OR5B3: variants seen among roughly 807,000 people sequenced by gnomAD.
OR5B3 encodes the protein olfactory receptor 5B3.
For missense variants in OR5B3, 430 were observed against 375.4 expected (o/e 1.15, Z -1.20); for synonymous variants, 150 against 135.0 (o/e 1.11, Z -0.77).
chr11:58,402,569 G>A lies in OR5B3; in HGVS notation c.841C>T (p.Pro281Ser). 6.2e-7 allele frequency: 1 copy of A among 1,613,310 alleles called. No homozygotes were observed. Among genetic ancestry groups the A allele is most frequent in the Non-Finnish European group, 8.5e-7 (1 of 1,179,354 alleles). ...CTATAGACCAGAGGGTTCAGCATGG[G>A]GATGACCATTGTATAGAACACAGGT... ...MAPVFYTMVI[P>S]MLNPLVYSLR... The change falls in exon 2 of 2, where the codon CCC becomes TCC. Residue 281 changes from proline (P) to serine (S), a missense_variant. Transcript: ENST00000641865.
rs762993374 is a variant in OR5B3, at chr11:58,403,279, A to G, written c.131T>C (p.Ile44Thr). Residue 44 changes from isoleucine to threonine, a missense_variant, in exon 2 of 2, where the codon ATT (isoleucine) becomes ACT (threonine). Ile to Thr is a moderately conservative substitution (Grantham distance 89, BLOSUM62 -1). Coordinates refer to ENST00000641865, the MANE Select transcript of OR5B3 (RefSeq NM_001005469.2). ...IITLVGNLGI[I>T]VLIFWDSCLH... The stretch of plus-strand genomic sequence containing the variant: ...ACAGGAATCCCAGAATATCAATACA[A>G]TAATTCCCAGGTTTCCAACCAGAGT... The G allele has an allele frequency of 3.7e-6, 6 of 1,613,460 alleles. No homozygotes were observed. In the East Asian group the frequency reaches 6.7e-5, roughly 18 times the overall value.
intron 1 of OR5B3, among the ~76,000 whole-genome samples, chr11:58,405,766 T>G (rs1047283119): frequency 6.6e-6 from 1 of 152,056 alleles, no homozygotes; most frequent in East Asian, 1.9e-4. Flanking sequence ...AAGTTGGACT[T>G]TTTTTTTAAA....
rs1043916574 is a variant in OR5B3, at chr11:58,403,301, G to C, written c.109C>G (p.Leu37Val). The change falls in exon 2 of 2, where the codon CTG (leucine) becomes GTG (valine). Residue 37 changes from leucine to valine, a missense_variant. Coordinates refer to ENST00000641865, the MANE Select transcript of OR5B3 (RefSeq NM_001005469.2). ...ACAATAATTCCCAGGTTTCCAACCA[G>C]AGTGATAATATAGATGAAGGGGAAC... ...ITFPFIYIIT[L>V]VGNLGIIVLI... is the part of the protein sequence containing the mutation. 4.3e-6 allele frequency: 7 copies of C among 1,612,814 alleles called. No homozygotes were observed. Among genetic ancestry groups the C allele is most frequent in the Non-Finnish European group, 5.9e-6 (7 of 1,178,932 alleles).
Position 58,403,413 on chromosome 11 carries a change from T to A in OR5B3, c.-4A>T. On this transcript the variant is annotated 5_prime_UTR_variant, in exon 2 of 2. Coordinates refer to ENST00000641865, the MANE Select transcript of OR5B3 (RefSeq NM_001005469.2). The stretch of plus-strand genomic sequence containing the variant: ...TTACTTCTGTCTTATTTTCCATCAC[T>A]GCTCTGGGGGACTCACAGGATGCTT... The A allele has an allele frequency of 6.7e-7, 1 of 1,501,372 alleles. No homozygotes were observed. Among genetic ancestry groups the A allele is most frequent in the South Asian group, 1.3e-5 (1 of 78,874 alleles). 93.0% of individuals were successfully genotyped at this position (1,501,372 alleles called of 1,614,324 possible).
chr11:58,406,738 G>T (rs1314191174), intron 1 of OR5B3, 63 bp downstream of exon 1: 1 of 152,120 alleles, frequency 6.6e-6, no homozygotes, highest in Admixed American at 6.5e-5. Context: ...AGGTATAGCT[G>T]CCCCACTGCT....
rs781700351 is a variant in OR5B3 at position 58,403,425 on chromosome 11, C to T, written c.-16G>A. 16 of 1,381,078 alleles carry T rather than the reference C, an allele frequency of 1.2e-5. No individual in the cohort carries two copies. Among genetic ancestry groups the T allele is most frequent in the Non-Finnish European group, 1.6e-5 (16 of 1,007,962 alleles). 85.6% of individuals were successfully genotyped at this position (1,381,078 alleles called of 1,614,324 possible). ...TATTTTCCATCACTGCTCTGGGGGA[C>T]TCACAGGATGCTTGTAGCAATACAA... On this transcript the variant is annotated 5_prime_UTR_variant, in exon 2 of 2. Coordinates refer to ENST00000641865, the MANE Select transcript of OR5B3 (RefSeq NM_001005469.2).
Position 58,403,022 on chromosome 11 carries a change from A to C in OR5B3, c.388T>G (p.Tyr130Asp). ...RYAAVCKPLHYTTTMTTTVCA... is the reference protein window; with the variant it reads ...RYAAVCKPLHDTTTMTTTVCA... ...ACAGTTGTTGTCATGGTTGTGGTGT[A>C]ATGTAGGGGTTTGCACACTGCTGCA... The change falls in exon 2 of 2, where the codon TAC (tyrosine) becomes GAC (aspartate). Residue 130 changes from tyrosine (Y) to aspartate (D), a missense_variant. Transcript: ENST00000641865. 6.2e-7 allele frequency: 1 copy of C among 1,614,052 alleles called. No individual in the cohort carries two copies. The highest frequency in any genetic ancestry group is 8.5e-7 in the Non-Finnish European group (1 of 1,179,966).
At chr11:58,406,272 C>CA (rs2119897714) in intron 1 of OR5B3, among the ~76,000 whole-genome samples, 1 of 152,092 alleles carries the variant, frequency 6.6e-6, no homozygotes, top group African/African-American at 2.4e-5. Context: ...TATGATGCTC[C>CA]AAAATTATAT....
chr11:58,403,470 T>C lies in OR5B3; in HGVS notation c.-26-35A>G. 9.1e-6 allele frequency: 8 copies of C among 879,022 alleles called. No homozygotes were observed. The South Asian group carries it at 1.1e-4, about 12-fold the overall frequency. 54.5% of individuals were successfully genotyped at this position (879,022 alleles called of 1,614,324 possible). On this transcript the variant is annotated intron_variant, in intron 1 of 1. Coordinates refer to ENST00000641865, the MANE Select transcript of OR5B3 (RefSeq NM_001005469.2). ...ATACAAAAAAGAACAGTGTGATAAATAAATTGAATTAAAATTGAAAAGTAT... is the reference window on the plus strand; with the variant it reads ...ATACAAAAAAGAACAGTGTGATAAACAAATTGAATTAAAATTGAAAAGTAT...
rs143648646 is a variant in OR5B3, at chr11:58,402,801, G to A, written c.609C>T (p.Phe203=). 7.4e-3 allele frequency: 11,859 copies of A among 1,613,466 alleles called. 68 individuals are homozygous for A. The highest frequency in any genetic ancestry group is 9.2e-3 in the Non-Finnish European group (10,804 of 1,179,570). Residue 203 remains phenylalanine, a synonymous_variant, in exon 2 of 2, where the codon TTC becomes TTT. Coordinates refer to ENST00000641865, the MANE Select transcript of OR5B3 (RefSeq NM_001005469.2). ...SELVLIYVVS[F]NIFIALLVIL... Reference sequence around the variant, plus strand: ...TAACCAGGAGAGCTATAAAGATATTGAAGCTCACAACATAAATAAGAACAA... The same window carrying A: ...TAACCAGGAGAGCTATAAAGATATTAAAGCTCACAACATAAATAAGAACAA...
chr11:58,405,346 C>G (rs951378960), intron 1 of OR5B3, among the ~76,000 whole-genome samples: 1 of 152,064 alleles, frequency 6.6e-6, no homozygotes, highest in Non-Finnish European at 1.5e-5. Context: ...TATGGTCAAC[C>G]TAAATGCCCA....
rs763793144 is a variant in OR5B3, at chr11:58,403,050, G to A, written c.360C>T (p.Arg120=). The A allele has an allele frequency of 1.9e-5, 31 of 1,614,008 alleles. No homozygotes were observed. The highest frequency in any genetic ancestry group is 2.0e-5 in the Non-Finnish European group (24 of 1,179,974). ...NYLLASMAYD[R]YAAVCKPLHY... is the part of the protein sequence containing the mutation. ...GTAGGGGTTTGCACACTGCTGCATA[G>A]CGGTCATAGGCCATTGAGGCCAAGA... Residue 120 remains arginine, a synonymous_variant, in exon 2 of 2, where the codon CGC becomes CGT. Coordinates refer to ENST00000641865, the MANE Select transcript of OR5B3 (RefSeq NM_001005469.2).
At chr11:58,405,288 G>T (rs1018562901) in intron 1 of OR5B3, among the ~76,000 whole-genome samples, 1 of 152,028 alleles carries the variant, frequency 6.6e-6, no homozygotes, top group Non-Finnish European at 1.5e-5. Flanking sequence ...ATTTGACCCA[G>T]TATATACTCA....
At chr11:58,405,074 G>T (rs1270185451) in intron 1 of OR5B3, among the ~76,000 whole-genome samples, 1 of 152,096 alleles carries the variant, frequency 6.6e-6, no homozygotes, top group Non-Finnish European at 1.5e-5. Flanking sequence ...GTAGTCCACA[G>T]TGTCTATTGT....
intron 1 of OR5B3, among the ~76,000 whole-genome samples, chr11:58,404,324 C>T (rs1792808794): frequency 7.3e-6 from 1 of 136,564 alleles, no homozygotes; most frequent in Non-Finnish European, 1.6e-5. Flanking sequence ...ATGTGACCTA[C>T]TTTGAGGTAT....
At chr11:58,406,242 A>G (rs980791158) in intron 1 of OR5B3, among the ~76,000 whole-genome samples, 2 of 152,158 alleles carry the variant, frequency 1.3e-5, no homozygotes, top group Non-Finnish European at 2.9e-5. Context: ...CGTTAAGAAC[A>G]TTGACAATTT....
Position 58,402,760 on chromosome 11 carries a change from G to A in OR5B3, c.650C>T (p.Thr217Ile). The A allele has an allele frequency of 1.2e-6, 2 of 1,613,858 alleles. No homozygotes were observed. Among genetic ancestry groups the A allele is most frequent in the South Asian group, 2.2e-5 (2 of 91,078 alleles). ...CTTTAGGATGGTGATAAAAATGAAT[G>A]TGTAGGATATCAAGATAACCAGGAG... ...IALLVILISYTFIFITILKMH... is the reference protein window; with the variant it reads ...IALLVILISYIFIFITILKMH... Residue 217 changes from threonine to isoleucine, a missense_variant, in exon 2 of 2, where the codon ACA becomes ATA. Physicochemically the swap from Thr to Ile is moderately conservative, Grantham distance 89 (BLOSUM62 -1). Transcript: ENST00000641865.
chr11:58,403,725 A>G (rs184294242), intron 1 of OR5B3, among the ~76,000 whole-genome samples: 21 of 152,284 alleles, frequency 1.4e-4, no homozygotes, highest in Non-Finnish European at 2.9e-4. Flanking sequence ...AGATGCATCT[A>G]TCTGTCAATT....
At chr11:58,405,639 CTAATGGATG>C (rs1388991857) in intron 1 of OR5B3, among the ~76,000 whole-genome samples, 3 of 152,086 alleles carry the variant, frequency 2.0e-5, no homozygotes. Context: ...GGAAGAAAAG[CTAATGGATG>C]CTGGGCTTAA....
Sources: gnomAD v4.1 joint callset for allele counts (sites outside exome capture counted in the v4.1 genomes callset) on GRCh38, gnomAD v4.1.1 for gene constraint, MANE v1.5 for transcripts, NCBI Gene and HGNC (gene_info 2026-07-23, HGNC 2026-07-21) for gene names.